Variants in NAPRT observed in about 807,000 individuals in gnomAD.
The protein encoded by NAPRT is FHA-HIT-interacting protein.
NAPRT carries 66 observed loss-of-function variants against 60.7 expected under a neutral mutation model. The observed-to-expected ratio is 1.09, with a 90% CI of 0.89 to 1.33. NAPRT has a LOEUF of 1.33. Among genes scored for constraint, NAPRT ranks in the 40% most tolerant of loss-of-function variants. The probability of loss-of-function intolerance (pLI) is 0.00; values close to 1 mark genes in which losing one functional copy is unlikely to be tolerated. For synonymous variants in NAPRT, 405 were observed against 335.7 expected, an observed-to-expected ratio of 1.21 and a Z score of -2.26; for missense variants, 818 against 731.5, an observed-to-expected ratio of 1.12 and a Z score of -1.36.
chr8:143,577,947 G>A lies in NAPRT; in HGVS notation c.227-4C>T, dbSNP rs779131739. ...ACCGAGGCCAGGAACTGCACGTCTG[G>A]AAACGAGGTAACTGCGCTGAGACCA... is the stretch of plus-strand genomic sequence containing the variant. On this transcript the variant is annotated splice_region_variant and splice_polypyrimidine_tract_variant and intron_variant, in intron 1 of 12. Transcript: ENST00000449291. 3.1e-6 allele frequency: 5 copies of A among 1,608,048 alleles called. No homozygotes were observed. Among genetic ancestry groups the A allele is most frequent in the Admixed American group, 1.7e-5 (1 of 59,720 alleles).
At position 143,576,530 on chromosome 8, in the gene NAPRT, T is replaced by C. The variant is rs1264196149; in HGVS notation, c.924A>G (p.Gly308=). The C allele has an allele frequency of 3.7e-6, 6 of 1,612,260 alleles. No individual in the cohort carries two copies. The highest frequency in any genetic ancestry group is 1.7e-4 in the Middle Eastern group (1 of 6,056). The change falls in exon 7 of 13, where the codon GGA becomes GGG. Residue 308 remains glycine, a synonymous_variant. Transcript: ENST00000449291. The part of the protein sequence containing the change: ...PNFLAVALAL[G]ELGYRAVGVR... ...CGCCCACTGCCCGGTAGCCCAGCTC[T>C]CCCAGGGCCAGGGCGACTGCTAGGA...
rs772385463 is a variant in NAPRT at position 143,575,734 on chromosome 8, GCTGCCCTGGGTGGGGAAGGGGGTGGCA to G, written c.1108-59_1108-33del. 1.3e-5 allele frequency: 19 copies of G among 1,492,772 alleles called. No individual in the cohort carries two copies. The Admixed American group carries it at 1.6e-4, about 13-fold the overall frequency. 92.5% of individuals were successfully genotyped at this position (1,492,772 alleles called of 1,614,324 possible). ...GGGGAAGGGGGTGGCCGTGAGCCCA[GCTGCCCTGGGTGGGGAAGGGGGTGGCA>G]CTGCCCTGGGTGGGGAAGGAGGTGG... is the stretch of plus-strand genomic sequence containing the variant. On this transcript the variant is annotated intron_variant, in intron 8 of 12. Transcript: ENST00000449291.
chr8:143,575,417 C>T lies in NAPRT; in HGVS notation c.1291+6G>A, dbSNP rs368093504. On this transcript the variant is annotated splice_donor_region_variant and intron_variant, in intron 10 of 12. Coordinates refer to ENST00000449291, the MANE Select transcript of NAPRT (RefSeq NM_145201.6). ...GTGGACAGCAGGGGGGATGGGAGGG[C>T]CTCACCGTCAGAGCCCAGGAGCCGG... 5 of 1,592,038 alleles carry T rather than the reference C, an allele frequency of 3.1e-6. No individual in the cohort carries two copies. The highest frequency in any genetic ancestry group is 1.7e-4 in the Middle Eastern group (1 of 6,002).
At chr8:143,575,993 G>C in intron 8 of NAPRT, 85 bp downstream of exon 8, 1 of 1,148,966 alleles carries the variant, frequency 8.7e-7, no homozygotes, top group Non-Finnish European at 1.2e-6. Flanking sequence ...GGGCGGGGAA[G>C]GAGGTGGCAA....
chr8:143,575,511 C>T lies in NAPRT; in HGVS notation c.1203G>A (p.Gly401=). ...CGGTCAGCTTCATTCGTGGCTGGCC[C>T]CCCACGGCCACCAGCTGCAGGAAGA... The part of the protein sequence containing the change: ...LGGVYKLVAV[G]GQPRMKLTED... Residue 401 remains glycine, a synonymous_variant, in exon 10 of 13, where the codon GGG becomes GGA. Coordinates refer to ENST00000449291, the MANE Select transcript of NAPRT (RefSeq NM_145201.6). 1 of 1,598,430 alleles carries T rather than the reference C, an allele frequency of 6.3e-7. No individual in the cohort carries two copies. The highest frequency in any genetic ancestry group is 8.6e-7 in the Non-Finnish European group (1 of 1,167,952).
chr8:143,578,281 G>C lies in NAPRT; in HGVS notation c.38C>G (p.Ala13Gly), dbSNP rs543399648. The C allele has an allele frequency of 4.4e-5, 62 of 1,410,544 alleles. No individual in the cohort carries two copies. The South Asian group carries it at 9.5e-4, about 22-fold the overall frequency. 87.4% of individuals were successfully genotyped at this position (1,410,544 alleles called of 1,614,324 possible). Residue 13 changes from alanine to glycine, a missense_variant, in exon 1 of 13, where the codon GCG becomes GGG. Transcript: ENST00000449291. ...GTAGAGGTCAGTGAGCAGCGGCCGC[G>C]CCGCCGCGCGCGCCTCGGGGTCCTG... ...AEQDPEARAA[A>G]RPLLTDLYQA...
Position 143,577,359 on chromosome 8 carries a change from C to T in NAPRT, c.478G>A (p.Gly160Arg). Residue 160 changes from glycine to arginine, a missense_variant, in exon 4 of 13, where the codon GGG becomes AGG. Physicochemically the swap from Gly to Arg is moderately radical, Grantham distance 125 (BLOSUM62 -2). Transcript: ENST00000449291. ...ATCTCTAGCAGCCGCTTCTCTGGCC[C>T]TGCGATCAAGCGAAGCCGCGCTGCG... ...TNAARLRLIAGPEKRLLEMGL... is the reference protein window; with the variant it reads ...TNAARLRLIARPEKRLLEMGL... 1 of 1,608,198 alleles carries T rather than the reference C, an allele frequency of 6.2e-7. No homozygotes were observed. Among genetic ancestry groups the T allele is most frequent in the Non-Finnish European group, 8.5e-7 (1 of 1,178,288 alleles).
At position 143,575,348 on chromosome 8, in the gene NAPRT, G is replaced by A. The variant is rs1225719767; in HGVS notation, c.1292-3C>T. 6.2e-7 allele frequency: 1 copy of A among 1,609,622 alleles called. No homozygotes were observed. Among genetic ancestry groups the A allele is most frequent in the African/African-American group, 1.3e-5 (1 of 74,820 alleles). On this transcript the variant is annotated splice_polypyrimidine_tract_variant and splice_region_variant and intron_variant, in intron 10 of 12. Coordinates refer to ENST00000449291, the MANE Select transcript of NAPRT (RefSeq NM_145201.6). ...CAGCATGTCCATGAGTGGAGACCCT[G>A]TGTGGACGGGGCAAGAATAAGCGGG...
chr8:143,577,292 G>T lies in NAPRT; in HGVS notation c.545C>A (p.Ala182Asp), dbSNP rs1404412655. The change falls in exon 4 of 13, where the codon GCC (alanine) becomes GAC (aspartate). Residue 182 changes from alanine (A) to aspartate (D), a missense_variant. Transcript: ENST00000449291. ...ACCGCCCAGGTAGCTGTAGGTGGAGGCTGTCAGGCCCCCATCGGGGCCCTG... is the reference window on the plus strand; with the variant it reads ...ACCGCCCAGGTAGCTGTAGGTGGAGTCTGTCAGGCCCCCATCGGGGCCCTG... The part of the protein sequence containing the change: ...RAQGPDGGLT[A>D]STYSYLGGFD... The T allele has an allele frequency of 1.2e-6, 2 of 1,608,712 alleles. No individual in the cohort carries two copies.
chr8:143,577,040 A>T, intron 5 of NAPRT, 22 bp downstream of exon 5: 1 of 1,604,224 alleles, frequency 6.2e-7, no homozygotes. Flanking sequence ...TGGAGACAGC[A>T]GGGTTTAGAG....
chr8:143,577,485 A>T, intron 3 of NAPRT, 86 bp from the exon 4 acceptor site: 5 of 1,493,918 alleles, frequency 3.3e-6, no homozygotes, highest in Non-Finnish European at 4.5e-6. Context: ...TGGAACTTCC[A>T]ACCTGGGAGC....
Position 143,575,651 on chromosome 8 carries a change from G to T in NAPRT, c.1159C>A (p.Gln387Lys), listed in dbSNP as rs757949301. 5.6e-6 allele frequency: 9 copies of T among 1,595,854 alleles called. No individual in the cohort carries two copies. Among genetic ancestry groups the T allele is most frequent in the Non-Finnish European group, 7.7e-6 (9 of 1,172,088 alleles). Residue 387 changes from glutamine to lysine, a missense_variant, in exon 9 of 13, where the codon CAA (glutamine) becomes AAA (lysine). Physicochemically the swap from Gln to Lys is moderately conservative, Grantham distance 53. Transcript: ENST00000449291. ...GIGTSVVTCPQQPSLGGVYKL... is the reference protein window; with the variant it reads ...GIGTSVVTCPKQPSLGGVYKL... ...TAGACGCCACCCAGGGAAGGCTGTT[G>T]GGGGCAGGTGACCACACTGGTGCCA...
At chr8:143,574,939 G>C (rs1171118599) in intron 12 of NAPRT, 39 bp from the exon 13 acceptor site, 2 of 1,550,028 alleles carry the variant, frequency 1.3e-6, no homozygotes, top group African/African-American at 1.4e-5. Context: ...GGCAGGGTGA[G>C]GGCGGGGGCG....
downstream of NAPRT, chr8:143,573,068 T>C: frequency 3.3e-6 from 1 of 305,804 alleles, no homozygotes; most frequent in Non-Finnish European, 6.1e-6. Flanking sequence ...AGGGCAGTTG[T>C]GGACAGCTCT....
chr8:143,574,788 G>A lies in NAPRT; in HGVS notation c.*50C>T, dbSNP rs981074329. The A allele has an allele frequency of 5.2e-6, 8 of 1,545,586 alleles. No homozygotes were observed. Among genetic ancestry groups the A allele is most frequent in the African/African-American group, 1.4e-5 (1 of 72,976 alleles). Reference sequence around the variant, plus strand: ...ACACAAACAACACAGGACAAGCTGTGGGGAAAAGTGAGTGATTCGTGTTGT... The same window carrying A: ...ACACAAACAACACAGGACAAGCTGTAGGGAAAAGTGAGTGATTCGTGTTGT... On this transcript the variant is annotated 3_prime_UTR_variant, in exon 13 of 13. Coordinates refer to ENST00000449291, the MANE Select transcript of NAPRT (RefSeq NM_145201.6).
At chr8:143,577,236 C>T (rs1156359667) in intron 4 of NAPRT, 33 bp downstream of exon 4, 14 of 1,605,204 alleles carry the variant, frequency 8.7e-6, no homozygotes, top group African/African-American at 2.7e-5. Flanking sequence ...TCCTCCTTCC[C>T]GGCCCTTGCC....
At chr8:143,575,369 GC>G in intron 10 of NAPRT, 24 bp from the exon 11 acceptor site, 1 of 1,601,680 alleles carries the variant, frequency 6.2e-7, no homozygotes, top group Non-Finnish European at 8.5e-7. Flanking sequence ...GCAAGAATAA[GC>G]GGGGGCCCTG....
chr8:143,576,601 C>A (rs967350810), intron 6 of NAPRT, 29 bp from the exon 7 acceptor site: 1 of 1,605,788 alleles, frequency 6.2e-7, no homozygotes, highest in African/African-American at 1.3e-5. Flanking sequence ...GAGTCAGAGG[C>A]TGCTGAGGTT....
intron 7 of NAPRT, 70 bp from the exon 8 acceptor site, chr8:143,576,232 G>A: frequency 2.8e-6 from 4 of 1,451,500 alleles, no homozygotes; most frequent in Non-Finnish European, 3.7e-6. Context: ...GTGTCCCCCT[G>A]CTCCCCGCCC....
Sources: gnomAD v4.1 joint callset for allele counts on GRCh38, gnomAD v4.1.1 for gene constraint, MANE v1.5 for transcripts, NCBI Gene and HGNC (gene_info 2026-07-23, HGNC 2026-07-21) for gene names.